Variants in MTUS2 observed in about 807,000 individuals in gnomAD.
MTUS2 encodes microtubule-associated tumor suppressor candidate 2.
MTUS2 carries 40 observed loss-of-function variants against 114.1 expected under a neutral mutation model. The ratio of observed to expected loss-of-function variants is 0.35; its 90% CI spans 0.27 to 0.46. MTUS2 has a LOEUF of 0.46. Among genes scored for constraint, MTUS2 ranks in the 20% least tolerant of loss-of-function variants. The probability of loss-of-function intolerance (pLI) is 1.00; values close to 1 mark genes in which losing one functional copy is unlikely to be tolerated. For synonymous variants in MTUS2, 688 were observed against 672.0 expected, an observed-to-expected ratio of 1.02 and a Z score of -0.37; for missense variants, 1,679 against 1,705.4, an observed-to-expected ratio of 0.98 and a Z score of 0.27.
At chr13:29,325,466 A>AAAAAAAAAAG (rs1555265213) in intron 7 of MTUS2, among the ~76,000 whole-genome samples, 29 of 126,396 alleles carry the variant, frequency 2.3e-4, no homozygotes, top group South Asian at 5.1e-4. Context: ...AAAAAAAAAA[A>AAAAAAAAAAG]AAAAGAAAAG....
At position 28,896,093 on chromosome 13, in the gene MTUS2, G is replaced by A. The variant is rs188170000; in HGVS notation, c.-243+56243G>A. Among the ~76,000 whole-genome samples the A allele has an allele frequency of 3.8e-3, 575 of 152,268 alleles. 8 individuals carry two copies. The highest frequency in any genetic ancestry group is 3.6e-3 in the Non-Finnish European group (245 of 68,024). ...CATGTGATTGATTATTGGAGTAATT[G>A]TATAGATAATAAATAATACAAGATG... On this transcript the variant is annotated intron_variant, in intron 2 of 15. Coordinates refer to ENST00000612955, the MANE Select transcript of MTUS2 (RefSeq NM_001033602.4).
intron 8 of MTUS2, among the ~76,000 whole-genome samples, chr13:29,393,392 A>C (rs1291653981): frequency 6.6e-6 from 1 of 152,096 alleles, no homozygotes; most frequent in Non-Finnish European, 1.5e-5. Context: ...ACCTTTAAAA[A>C]CTTTTACTTT....
intron 8 of MTUS2, among the ~76,000 whole-genome samples, chr13:29,418,561 A>C (rs904126828): frequency 3.9e-5 from 6 of 152,146 alleles, no homozygotes; most frequent in African/African-American, 1.4e-4. Flanking sequence ...GATTATTCAG[A>C]TTGCTGTTTG....
chr13:29,141,944 C>A (rs1892239277), intron 5 of MTUS2, among the ~76,000 whole-genome samples: 1 of 150,294 alleles, frequency 6.7e-6, no homozygotes, highest in African/African-American at 2.5e-5. Flanking sequence ...ACTTCAAGCT[C>A]CACCTCCCAG....
intron 2 of MTUS2, among the ~76,000 whole-genome samples, chr13:28,965,252 T>G (rs1883525339): frequency 6.6e-6 from 1 of 152,174 alleles, no homozygotes; most frequent in Non-Finnish European, 1.5e-5. Flanking sequence ...AGGTGCCCCA[T>G]TCAACACAAG....
At chr13:29,138,997 G>A (rs1474809919) in intron 5 of MTUS2, among the ~76,000 whole-genome samples, 3 of 150,664 alleles carry the variant, frequency 2.0e-5, no homozygotes, top group Non-Finnish European at 1.5e-5. Flanking sequence ...TATGGAGTAA[G>A]TACCTGTTTA....
At chr13:28,907,723 C>T (rs1387468634) in intron 2 of MTUS2, among the ~76,000 whole-genome samples, 1 of 151,562 alleles carries the variant, frequency 6.6e-6, no homozygotes, top group Non-Finnish European at 1.5e-5. Context: ...TATATATGCA[C>T]CCAATACAGG....
chr13:28,853,852 A>G (rs918655365), intron 2 of MTUS2, among the ~76,000 whole-genome samples: 1 of 152,246 alleles, frequency 6.6e-6, no homozygotes, highest in Admixed American at 6.5e-5. Flanking sequence ...GGAGTTCAAG[A>G]TCATCAAGAA....
intron 6 of MTUS2, among the ~76,000 whole-genome samples, chr13:29,292,237 ATGATGGC>A (rs1459100513): frequency 2.0e-5 from 3 of 152,210 alleles, no homozygotes; most frequent in African/African-American, 7.2e-5. Flanking sequence ...CTCTAAGCTG[ATGATGGC>A]TGAGCTCTTG....
intron 9 of MTUS2, among the ~76,000 whole-genome samples, chr13:29,441,366 ACG>A (rs1485178445): frequency 1.1e-4 from 16 of 152,068 alleles, no homozygotes; most frequent in Non-Finnish European, 2.1e-4. Context: ...CTCCCCGCAG[ACG>A]CTTGCTGGAG....
chr13:28,820,315 G>C (rs1176585874), upstream of MTUS2: 1 of 149,554 alleles, frequency 6.7e-6, no homozygotes, highest in Non-Finnish European at 1.5e-5. Flanking sequence ...GCGGAGCGCA[G>C]CCGCGGCGCG....
At chr13:29,320,709 A>T (rs59404174) in intron 6 of MTUS2, among the ~76,000 whole-genome samples, 3,961 of 152,340 alleles carry the variant, frequency 0.026, 158 homozygotes, top group African/African-American at 0.089. Flanking sequence ...TAAAGGCTTA[A>T]GGTCTTTCTG....
At chr13:29,153,126 T>G (rs1057490902) in intron 5 of MTUS2, among the ~76,000 whole-genome samples, 1 of 152,150 alleles carries the variant, frequency 6.6e-6, no homozygotes, top group Admixed American at 6.5e-5. Flanking sequence ...AGCTAAATTG[T>G]CTTGAATTCT....
intron 6 of MTUS2, among the ~76,000 whole-genome samples, chr13:29,309,939 C>T (rs189981212): frequency 6.6e-6 from 1 of 152,074 alleles, no homozygotes; most frequent in Non-Finnish European, 1.5e-5. Context: ...ATCCTCTTTT[C>T]ATTATTTTTA....
intron 5 of MTUS2, among the ~76,000 whole-genome samples, chr13:29,132,830 A>G (rs1436560154): frequency 6.6e-6 from 1 of 152,200 alleles, no homozygotes; most frequent in Non-Finnish European, 1.5e-5. Flanking sequence ...ACAAATATAC[A>G]AATATCTTTT....
intron 2 of MTUS2, among the ~76,000 whole-genome samples, chr13:29,007,777 A>G (rs960934531): frequency 1.3e-5 from 2 of 151,998 alleles, no homozygotes; most frequent in Non-Finnish European, 2.9e-5. Context: ...TTATTGTAAT[A>G]ACATAATATA....
chr13:29,478,404 C>T (rs1474791780), intron 9 of MTUS2, among the ~76,000 whole-genome samples: 2 of 152,128 alleles, frequency 1.3e-5, no homozygotes, highest in African/African-American at 4.8e-5. Context: ...ATCTTACTCT[C>T]AAATGGTTCC....
intron 2 of MTUS2, among the ~76,000 whole-genome samples, chr13:28,993,418 C>A (rs556498805): frequency 7.9e-5 from 12 of 152,166 alleles, no homozygotes; most frequent in African/African-American, 2.9e-4. Flanking sequence ...TTGTTATTCT[C>A]CTGTGCATTG....
chr13:29,104,330 G>A (rs1002700133), intron 5 of MTUS2, among the ~76,000 whole-genome samples: 1 of 152,140 alleles, frequency 6.6e-6, no homozygotes. Context: ...CTGGGTCCTG[G>A]GCTGGTGTTC....
Sources: allele counts gnomAD v4.1 joint callset (sites outside exome capture counted in the v4.1 genomes callset), GRCh38; gene constraint gnomAD v4.1.1; transcripts MANE v1.5; gene names NCBI Gene and HGNC (gene_info 2026-07-23, HGNC 2026-07-21).